Variants in MEI4 observed in about 807,000 individuals in gnomAD.
MEI4 encodes the protein meiotic double-stranded break formation protein 4, also known as meiosis-specific protein MEI4.
In MEI4, 27 loss-of-function variants were observed where a neutral mutation model predicts 31.4. The observed-to-expected ratio is 0.86, with a 90% CI of 0.63 to 1.19. The LOEUF (loss-of-function observed/expected upper bound fraction) is 1.19, where lower values mean the gene tolerates loss of function less well. Among genes scored for constraint, MEI4 ranks in the 50% most tolerant of loss-of-function variants. MEI4 has a pLI of 0.00. For missense variants in MEI4, 329 were observed against 398.9 expected (o/e 0.82, Z 1.49); for synonymous variants, 122 against 145.4 (o/e 0.84, Z 1.16).
intron 3 of MEI4, among the ~76,000 whole-genome samples, chr6:77,821,777 CAA>C (rs1022461578): frequency 2.3e-4 from 21 of 92,852 alleles, no homozygotes; most frequent in Admixed American, 1.2e-3. Context: ...GCCTGGGCAA[CAA>C]GAGTGAAATG....
intron 3 of MEI4, among the ~76,000 whole-genome samples, chr6:77,780,732 T>C (rs576071756): frequency 5.3e-5 from 8 of 152,274 alleles, no homozygotes; most frequent in African/African-American, 1.9e-4. Context: ...CTTAACATAT[T>C]ATAGTCCAAT....
chr6:77,730,605 A>ATTAT (rs34092896), intron 2 of MEI4, among the ~76,000 whole-genome samples: 4 of 150,774 alleles, frequency 2.7e-5, no homozygotes, highest in Non-Finnish European at 4.4e-5. Flanking sequence ...AGTCTTATAT[A>ATTAT]TTATTTATTT....
At chr6:77,750,929 C>A (rs182751884) in intron 2 of MEI4, among the ~76,000 whole-genome samples, 81 of 152,220 alleles carry the variant, frequency 5.3e-4, no homozygotes, top group African/African-American at 1.7e-3. Flanking sequence ...GTCTCTCAGA[C>A]CACAGTGCAA....
At chr6:77,837,251 A>C (rs918035860) in intron 4 of MEI4, among the ~76,000 whole-genome samples, 1 of 152,198 alleles carries the variant, frequency 6.6e-6, no homozygotes, top group Admixed American at 6.5e-5. Context: ...TTAGAATCAG[A>C]TGTCTAGTTA....
chr6:77,798,333 C>A (rs1205980004), intron 3 of MEI4, among the ~76,000 whole-genome samples: 1 of 150,998 alleles, frequency 6.6e-6, no homozygotes, highest in Non-Finnish European at 1.5e-5. Flanking sequence ...AAATACTTAT[C>A]AAATATTTGT....
intron 3 of MEI4, among the ~76,000 whole-genome samples, chr6:77,785,954 T>TA (rs1292163367): frequency 2.6e-5 from 4 of 152,162 alleles, no homozygotes; most frequent in Non-Finnish European, 5.9e-5. Flanking sequence ...ACCTGTCACA[T>TA]ATTTAGTTTT....
In MEI4 at chr6:77,708,095, A is replaced by G. The variant is rs112046988; in HGVS notation, c.232+17192A>G. 5.2e-3 allele frequency among the ~76,000 whole-genome samples: 791 copies of G among 152,298 alleles called. 8 individuals carry two copies. Among genetic ancestry groups the G allele is most frequent in the African/African-American group, 0.019 (772 of 41,580 alleles). On this transcript the variant is annotated intron_variant, in intron 2 of 4. Transcript: ENST00000684080. ...GTGGAGCTGTGAGAATGGGACTGCC[A>G]TCCTCCAGATTTGAGAATGTTAGAG... is the stretch of plus-strand genomic sequence containing the variant.
chr6:77,864,334 C>T (rs1316317693), intron 4 of MEI4, among the ~76,000 whole-genome samples: 1 of 152,172 alleles, frequency 6.6e-6, no homozygotes, highest in South Asian at 2.1e-4. Context: ...TTCAGGAAAC[C>T]CATCTCACAT....
At chr6:77,697,281 A>C (rs1295323655) in intron 2 of MEI4, among the ~76,000 whole-genome samples, 1 of 151,752 alleles carries the variant, frequency 6.6e-6, no homozygotes, top group Non-Finnish European at 1.5e-5. Flanking sequence ...TTCTGCTCTG[A>C]TTTTAGTTAT....
chr6:77,695,265 G>T (rs1203955155), intron 2 of MEI4, among the ~76,000 whole-genome samples: 12 of 151,796 alleles, frequency 7.9e-5, no homozygotes, highest in South Asian at 2.1e-4. Context: ...CTCTTTAGTT[G>T]AATTAGATCC....
intron 1 of MEI4, among the ~76,000 whole-genome samples, chr6:77,682,379 A>G (rs1484076216): frequency 6.6e-6 from 1 of 152,190 alleles, no homozygotes; most frequent in Non-Finnish European, 1.5e-5. Flanking sequence ...ATTAGATTTT[A>G]CCTTTCCTAC....
intron 1 of MEI4, among the ~76,000 whole-genome samples, chr6:77,666,880 T>TGTGC (rs1554208080): frequency 1.9e-3 from 275 of 147,648 alleles, no homozygotes; most frequent in East Asian, 9.6e-3. Flanking sequence ...TGTGTGTGTG[T>TGTGC]GTGCGTGCGT....
At chr6:77,674,806 T>A (rs1768810688) in intron 1 of MEI4, among the ~76,000 whole-genome samples, 1 of 152,152 alleles carries the variant, frequency 6.6e-6, no homozygotes, top group Admixed American at 6.5e-5. Context: ...CAACTCCTCC[T>A]TCACCTGCAG....
intron 2 of MEI4, among the ~76,000 whole-genome samples, chr6:77,755,165 G>C (rs1344486929): frequency 2.0e-5 from 3 of 151,708 alleles, no homozygotes; most frequent in Non-Finnish European, 2.9e-5. Flanking sequence ...GTGGTACACA[G>C]TGTCCTGAAA....
intron 1 of MEI4, among the ~76,000 whole-genome samples, chr6:77,660,133 CG>C (rs1768476603): frequency 6.6e-6 from 1 of 151,612 alleles, no homozygotes; most frequent in Admixed American, 6.6e-5. Flanking sequence ...GTCTGTAAGG[CG>C]GGGACAGCTG....
At chr6:77,857,312 G>A (rs12212232) in intron 4 of MEI4, among the ~76,000 whole-genome samples, 43,304 of 152,136 alleles carry the variant, frequency 0.28, 6,849 homozygotes, top group South Asian at 0.38. Context: ...TAAGCAAATA[G>A]TTGAAGCAGT....
intron 4 of MEI4, among the ~76,000 whole-genome samples, chr6:77,836,662 A>T (rs2127713419): frequency 6.6e-6 from 1 of 152,226 alleles, no homozygotes; most frequent in African/African-American, 2.4e-5. Context: ...CAAAATAAGC[A>T]TTTTTAATAA....
chr6:77,796,762 C>T (rs1211654514), intron 3 of MEI4, among the ~76,000 whole-genome samples: 1 of 152,144 alleles, frequency 6.6e-6, no homozygotes, highest in African/African-American at 2.4e-5. Flanking sequence ...GTCCATACCA[C>T]CCAAAGTGAG....
chr6:77,783,848 T>C (rs1043778000), intron 3 of MEI4, among the ~76,000 whole-genome samples: 6 of 152,208 alleles, frequency 3.9e-5, no homozygotes, highest in African/African-American at 7.2e-5. Flanking sequence ...AATTTGTGTA[T>C]GTCCACTTAT....
Sources: allele counts gnomAD v4.1 joint callset (sites outside exome capture counted in the v4.1 genomes callset), GRCh38; gene constraint gnomAD v4.1.1; transcripts MANE v1.5; gene names NCBI Gene and HGNC (gene_info 2026-07-23, HGNC 2026-07-21).